Variants in UBE2N observed in about 807,000 individuals in gnomAD.
UBE2N encodes the protein ubiquitin-conjugating enzyme E2 N.
For missense variants in UBE2N, 60 were observed against 192.1 expected, an observed-to-expected ratio of 0.31 and a Z score of 4.07; for synonymous variants, 70 against 69.2, an observed-to-expected ratio of 1.01 and a Z score of -0.06.
chr12:93,441,847 G>A lies in UBE2N; in HGVS notation c.30+8C>T, dbSNP rs1053100524. 1.9e-6 allele frequency: 3 copies of A among 1,579,164 alleles called. No homozygotes were observed. Among genetic ancestry groups the A allele is most frequent in the Non-Finnish European group, 2.6e-6 (3 of 1,165,298 alleles). The stretch of plus-strand genomic sequence containing the variant: ...AGCGAAGAGCTGGAGGCCGGCCTGG[G>A]CGGTTACCTTGATGATCCTGCGGGG... On this transcript the variant is annotated splice_region_variant and intron_variant, in intron 1 of 3. Coordinates refer to ENST00000318066, the MANE Select transcript of UBE2N (RefSeq NM_003348.4).
chr12:93,410,981 C>T (rs779852571), intron 2 of UBE2N, 72 bp downstream of exon 2: 1 of 1,612,688 alleles, frequency 6.2e-7, no homozygotes, highest in Non-Finnish European at 8.5e-7. Context: ...TGTTTACATT[C>T]TAAACATGGA....
chr12:93,407,601 A>C lies in UBE2N; in HGVS notation c.*2438T>G, dbSNP rs1395916956. ...CCTCTCAGTTAAGTCCCGTGCACAAAGGTGGGTCAGGTCTACTGTTGCCAG... is the reference window on the plus strand; with the variant it reads ...CCTCTCAGTTAAGTCCCGTGCACAACGGTGGGTCAGGTCTACTGTTGCCAG... On this transcript the variant is annotated 3_prime_UTR_variant, in exon 4 of 4. Transcript: ENST00000318066. The C allele has an allele frequency of 6.6e-6, 1 of 152,232 alleles. No individual in the cohort carries two copies. The highest frequency in any genetic ancestry group is 6.5e-5 in the Admixed American group (1 of 15,278). The allele number at this position is 152,232 out of a possible 1,614,324, so 9.4% of individuals were successfully genotyped here.
intron 1 of UBE2N, among the ~76,000 whole-genome samples, chr12:93,417,890 T>C (rs1878269923): frequency 6.6e-6 from 1 of 151,620 alleles, no homozygotes; most frequent in African/African-American, 2.4e-5. Context: ...ACAAACGGGC[T>C]CCTTTTTTGG....
chr12:93,432,056 AC>A (rs1878787297), intron 1 of UBE2N, among the ~76,000 whole-genome samples: 1 of 152,174 alleles, frequency 6.6e-6, no homozygotes, highest in African/African-American at 2.4e-5. Context: ...ACATGGTGAA[AC>A]CCTGTCTCTA....
intron 1 of UBE2N, among the ~76,000 whole-genome samples, chr12:93,439,526 TAAAAC>T (rs1555198536): frequency 2.0e-5 from 3 of 151,966 alleles, no homozygotes. Context: ...CACCCAGAAA[TAAAAC>T]AAATTAACAG....
rs752765651 is a variant in UBE2N, at chr12:93,434,161, G to A, written c.30+7694C>T. On this transcript the variant is annotated intron_variant, in intron 1 of 3. Coordinates refer to ENST00000318066, the MANE Select transcript of UBE2N (RefSeq NM_003348.4). The stretch of plus-strand genomic sequence containing the variant: ...AAAAAAATTAGCTGGGTGTGGTGGC[G>A]CGTGCCTGTAATTCCAGCTACTCGG... 1.3e-3 allele frequency among the ~76,000 whole-genome samples: 196 copies of A among 152,298 alleles called. 1 individual carries two copies. Among genetic ancestry groups the A allele is most frequent in the East Asian group, 1.7e-3 (9 of 5,182 alleles).
intron 1 of UBE2N, among the ~76,000 whole-genome samples, chr12:93,417,179 C>T (rs960677692): frequency 8.5e-5 from 13 of 152,264 alleles, no homozygotes; most frequent in Admixed American, 3.9e-4. Context: ...TCTTATAGAA[C>T]GCATACAATA....
At chr12:93,418,795 ATAT>A (rs1878303135) in intron 1 of UBE2N, among the ~76,000 whole-genome samples, 1 of 152,240 alleles carries the variant, frequency 6.6e-6, no homozygotes. Flanking sequence ...TGTATTCAAA[ATAT>A]TATTTCAACA....
At chr12:93,436,136 C>CT (rs1238488454) in intron 1 of UBE2N, among the ~76,000 whole-genome samples, 1 of 152,090 alleles carries the variant, frequency 6.6e-6, no homozygotes, top group African/African-American at 2.4e-5. Context: ...GGGTTTCACT[C>CT]TGTCGCCCAG....
chr12:93,413,347 T>C (rs371962419), intron 1 of UBE2N, among the ~76,000 whole-genome samples: 9 of 152,158 alleles, frequency 5.9e-5, no homozygotes, highest in African/African-American at 2.2e-4. Flanking sequence ...GCACTGGGGC[T>C]CTATTCTAGG....
chr12:93,408,632 G>C lies in UBE2N; in HGVS notation c.*1407C>G, dbSNP rs113958401. The C allele has an allele frequency of 2.6e-4, 39 of 152,310 alleles. No individual in the cohort carries two copies. Among genetic ancestry groups the C allele is most frequent in the African/African-American group, 9.1e-4 (38 of 41,566 alleles). The allele number at this position is 152,310 out of a possible 1,614,324, so 9.4% of individuals were successfully genotyped here. A position where few individuals can be genotyped will look rare whatever the true frequency, so the allele number is the denominator to read the frequency against. ...ATATGGAGAGAGGTGGGAAAGAACA[G>C]TTTTGTGAGGGGAGGAATTCGTCAA... On this transcript the variant is annotated 3_prime_UTR_variant, in exon 4 of 4. Coordinates refer to ENST00000318066, the MANE Select transcript of UBE2N (RefSeq NM_003348.4).
intron 1 of UBE2N, among the ~76,000 whole-genome samples, chr12:93,419,070 A>G (rs1878317859): frequency 6.6e-6 from 1 of 152,206 alleles, no homozygotes; most frequent in Non-Finnish European, 1.5e-5. Context: ...GAAACTTTAA[A>G]GCATCACTAT....
intron 1 of UBE2N, among the ~76,000 whole-genome samples, chr12:93,427,758 C>CA (rs1213009455): frequency 6.6e-6 from 1 of 151,718 alleles, no homozygotes; most frequent in Non-Finnish European, 1.5e-5. Context: ...AATTATACCT[C>CA]AAAAAAATAA....
At chr12:93,415,499 T>C (rs1441045082) in intron 1 of UBE2N, among the ~76,000 whole-genome samples, 1 of 152,194 alleles carries the variant, frequency 6.6e-6, no homozygotes, top group Admixed American at 6.5e-5. Flanking sequence ...TTTTAGAGTA[T>C]TAAAAAGCTC....
At chr12:93,438,146 T>C (rs1878989963) in intron 1 of UBE2N, among the ~76,000 whole-genome samples, 1 of 152,244 alleles carries the variant, frequency 6.6e-6, no homozygotes, top group African/African-American at 2.4e-5. Context: ...GTATCTACTA[T>C]GTGCCAAGGA....
At position 93,423,420 on chromosome 12, in the gene UBE2N, A is replaced by G. The variant is rs560012192; in HGVS notation, c.31-12121T>C. 2.6e-5 allele frequency among the ~76,000 whole-genome samples: 4 copies of G among 152,360 alleles called. No individual in the cohort carries two copies. In the South Asian group the frequency reaches 6.2e-4, roughly 24 times the overall value. On this transcript the variant is annotated intron_variant, in intron 1 of 3. Coordinates refer to ENST00000318066, the MANE Select transcript of UBE2N (RefSeq NM_003348.4). ...GCTGGTAAATACGTTAAGAAGCTAA[A>G]TAACTCTTTGGGATTAAATGAAGTC...
intron 1 of UBE2N, among the ~76,000 whole-genome samples, chr12:93,431,391 T>C (rs182461738): frequency 2.9e-4 from 44 of 152,362 alleles, no homozygotes; most frequent in African/African-American, 9.4e-4. Context: ...GACATGTTCT[T>C]CAGTATCCAC....
intron 1 of UBE2N, among the ~76,000 whole-genome samples, chr12:93,420,954 C>T (rs1878388926): frequency 6.6e-6 from 1 of 152,172 alleles, no homozygotes; most frequent in Admixed American, 6.5e-5. Flanking sequence ...TTATCAAGCA[C>T]TGTCCCAGAT....
intron 1 of UBE2N, among the ~76,000 whole-genome samples, chr12:93,438,433 T>G (rs1332037120): frequency 6.6e-6 from 1 of 152,144 alleles, no homozygotes; most frequent in African/African-American, 2.4e-5. Context: ...AGGAAAGTCC[T>G]GTGACTGGAA....
Sources: allele counts gnomAD v4.1 joint callset (sites outside exome capture counted in the v4.1 genomes callset), GRCh38; gene constraint gnomAD v4.1.1; transcripts MANE v1.5; gene names NCBI Gene and HGNC (gene_info 2026-07-23, HGNC 2026-07-21).